The following RFX6 variants were observed in gnomAD, a reference collection of about 807,000 sequenced individuals.
The protein encoded by RFX6 is regulatory factor X6.
In RFX6, 50 loss-of-function variants were observed where a neutral mutation model predicts 110.8. The ratio of observed to expected loss-of-function variants is 0.45; its 90% CI spans 0.36 to 0.57. RFX6 has a LOEUF of 0.57. Among genes scored for constraint, RFX6 ranks in the 20% least tolerant of loss-of-function variants. RFX6 has a pLI of 0.00. For synonymous variants in RFX6, 383 were observed against 411.2 expected (o/e 0.93, Z 0.83); for missense variants, 990 against 1,127.0 (o/e 0.88, Z 1.74).
intron 6 of RFX6, among the ~76,000 whole-genome samples, chr6:116,906,368 T>C (rs1334023879): frequency 6.6e-6 from 1 of 152,208 alleles, no homozygotes; most frequent in Non-Finnish European, 1.5e-5. Context: ...ATTCCATAGA[T>C]ATTTTTAGGA....
intron 4 of RFX6, among the ~76,000 whole-genome samples, chr6:116,885,218 T>C (rs1774673900): frequency 6.6e-6 from 1 of 152,182 alleles, no homozygotes; most frequent in African/African-American, 2.4e-5. Flanking sequence ...TTCCAGCTAG[T>C]GATTTATTGT....
chr6:116,912,371 A>G (rs576073210), intron 7 of RFX6, among the ~76,000 whole-genome samples: 40 of 152,298 alleles, frequency 2.6e-4, no homozygotes, highest in Admixed American at 9.8e-4. Context: ...ATACCCTTAA[A>G]AAAAAGAAGA....
At chr6:116,901,237 T>G (rs1775067590) in intron 6 of RFX6, among the ~76,000 whole-genome samples, 1 of 152,184 alleles carries the variant, frequency 6.6e-6, no homozygotes, top group Non-Finnish European at 1.5e-5. Flanking sequence ...ATTGTAATGG[T>G]TTTATTGGGA....
chr6:116,927,958 G>A (rs1228186660), intron 17 of RFX6, among the ~76,000 whole-genome samples: 1 of 151,430 alleles, frequency 6.6e-6, no homozygotes, highest in Non-Finnish European at 1.5e-5. Context: ...TGCCCAGGCT[G>A]GTCTCAAACT....
At chr6:116,920,213 T>G (rs907910387) in intron 11 of RFX6, 97 bp from the exon 12 acceptor site, 1 of 946,480 alleles carries the variant, frequency 1.1e-6, no homozygotes, top group Non-Finnish European at 1.7e-6. Flanking sequence ...TTTATGATAC[T>G]TTTATCTCAA....
At chr6:116,924,559 T>C (rs1476271247) in intron 14 of RFX6, 110 bp from the exon 15 acceptor site, 19 of 971,096 alleles carry the variant, frequency 2.0e-5, no homozygotes, top group Non-Finnish European at 3.1e-5. Flanking sequence ...CCTTGTAAAG[T>C]GTTGCGAGAT....
intron 4 of RFX6, among the ~76,000 whole-genome samples, chr6:116,890,844 A>G (rs1216545523): frequency 6.6e-6 from 1 of 152,186 alleles, no homozygotes; most frequent in Non-Finnish European, 1.5e-5. Context: ...GGCATTAAAT[A>G]TTTCTATTTG....
At chr6:116,908,547 G>C (rs1295270415) in intron 6 of RFX6, among the ~76,000 whole-genome samples, 1 of 151,994 alleles carries the variant, frequency 6.6e-6, no homozygotes, top group Non-Finnish European at 1.5e-5. Flanking sequence ...AAAAAGGTGA[G>C]AGCAGGCAAA....
intron 18 of RFX6, 67 bp downstream of exon 18, chr6:116,929,038 T>C (rs1386800553): frequency 2.0e-6 from 2 of 980,362 alleles, no homozygotes; most frequent in African/African-American, 3.2e-5. Context: ...GCAACATTAC[T>C]TGAGGGAGAT....
chr6:116,921,650 C>G (rs1312791103), intron 12 of RFX6, among the ~76,000 whole-genome samples: 3 of 143,318 alleles, frequency 2.1e-5, no homozygotes, highest in Non-Finnish European at 4.5e-5. Flanking sequence ...AGACCTTGCT[C>G]TATAATTTTT....
Position 116,913,557 on chromosome 6 carries a change from T to C in RFX6, c.781-2451T>C, listed in dbSNP as rs537384912. Among the ~76,000 whole-genome samples the C allele has an allele frequency of 4.6e-5, 7 of 152,294 alleles. No individual in the cohort carries two copies. In the East Asian group the frequency reaches 1.2e-3, roughly 25 times the overall value. ...GCCCACTCTAGTACAATGTCTATTCTCAGAAAATTGACTAAGATTATGTTT... is the reference window on the plus strand; with the variant it reads ...GCCCACTCTAGTACAATGTCTATTCCCAGAAAATTGACTAAGATTATGTTT... On this transcript the variant is annotated intron_variant, in intron 7 of 18. Coordinates refer to ENST00000332958, the MANE Select transcript of RFX6 (RefSeq NM_173560.4).
intron 6 of RFX6, among the ~76,000 whole-genome samples, chr6:116,895,837 C>T (rs1774934361): frequency 6.6e-6 from 1 of 152,104 alleles, no homozygotes; most frequent in Non-Finnish European, 1.5e-5. Context: ...AGAGGTGCTG[C>T]CAAGCTAAGG....
chr6:116,928,478 T>G (rs574776498), intron 17 of RFX6, among the ~76,000 whole-genome samples: 5 of 152,302 alleles, frequency 3.3e-5, no homozygotes, highest in African/African-American at 1.2e-4. Context: ...GGTCTTAAAG[T>G]TAATACAATT....
chr6:116,894,842 T>C (rs138543360), intron 5 of RFX6, among the ~76,000 whole-genome samples: 1 of 152,122 alleles, frequency 6.6e-6, no homozygotes, highest in Non-Finnish European at 1.5e-5. Flanking sequence ...TAAATTTAGA[T>C]ATTACAAGGA....
intron 4 of RFX6, among the ~76,000 whole-genome samples, chr6:116,893,035 A>G (rs568310418): frequency 9.8e-5 from 15 of 152,290 alleles, no homozygotes; most frequent in African/African-American, 3.6e-4. Context: ...ACAACGTTTT[A>G]AAATATAATT....
At chr6:116,889,416 T>TAA (rs899825141) in intron 4 of RFX6, among the ~76,000 whole-genome samples, 3 of 151,888 alleles carry the variant, frequency 2.0e-5, no homozygotes, top group Admixed American at 6.6e-5. Flanking sequence ...GTATGGGAGG[T>TAA]AAGCCATGTA....
At chr6:116,897,449 G>T (rs574558414) in intron 6 of RFX6, among the ~76,000 whole-genome samples, 5 of 152,150 alleles carry the variant, frequency 3.3e-5, no homozygotes, top group African/African-American at 1.2e-4. Context: ...GTATCATGTT[G>T]TAGAAAAAAT....
rs118087688 is a variant in RFX6, at chr6:116,930,565, G to A, written c.2612-766G>A. 1.1e-4 allele frequency among the ~76,000 whole-genome samples: 17 copies of A among 152,274 alleles called. No individual in the cohort carries two copies. The East Asian group carries it at 3.3e-3, about 29-fold the overall frequency. On this transcript the variant is annotated intron_variant, in intron 18 of 18. Transcript: ENST00000332958. ...TAGAGTAAAATGACAGACAGTAAAG[G>A]AGGAGCTGCTTTCGGTAGGACAGCT...
At chr6:116,925,184 G>A (rs1281657052) in intron 15 of RFX6, among the ~76,000 whole-genome samples, 1 of 152,094 alleles carries the variant, frequency 6.6e-6, no homozygotes, top group Non-Finnish European at 1.5e-5. Flanking sequence ...TCAGGATAGG[G>A]CAACTTGCAT....
Sources: allele counts gnomAD v4.1 joint callset (sites outside exome capture counted in the v4.1 genomes callset), GRCh38; gene constraint gnomAD v4.1.1; transcripts MANE v1.5; gene names NCBI Gene and HGNC (gene_info 2026-07-23, HGNC 2026-07-21).